ZNF560: variants seen among roughly 807,000 people sequenced by gnomAD.
The protein encoded by ZNF560 is zinc finger protein 560.
Under a neutral mutation model 81.8 loss-of-function variants are expected in ZNF560, and 54 were observed. The ratio of observed to expected loss-of-function variants is 0.66; its 90% CI spans 0.53 to 0.83. The LOEUF (loss-of-function observed/expected upper bound fraction) is 0.83, where lower values mean the gene tolerates loss of function less well. Among genes scored for constraint, ZNF560 ranks in the 40% least tolerant of loss-of-function variants. The pLI, the probability that ZNF560 is intolerant of heterozygous loss-of-function variation, is 0.00. For synonymous variants in ZNF560, 321 were observed against 317.9 expected (o/e 1.01, Z -0.10); for missense variants, 940 against 932.4 (o/e 1.01, Z -0.11).
chr19:9,452,740 C>G, the ZNF560 span, among the ~76,000 whole-genome samples: 1 of 152,150 alleles, frequency 6.6e-6, no homozygotes, highest in African/African-American at 2.4e-5. Flanking sequence ...CTGGAGACTA[C>G]TGGGCGGGTA....
At chr19:9,450,129 A>T in the ZNF560 span, among the ~76,000 whole-genome samples, 1 of 151,538 alleles carries the variant, frequency 6.6e-6, no homozygotes, top group Non-Finnish European at 1.5e-5. Context: ...TGTCTCTATT[A>T]AAAATACAAA....
At chr19:9,457,236 A>G in the ZNF560 span, among the ~76,000 whole-genome samples, 229 of 152,356 alleles carry the variant, frequency 1.5e-3, no homozygotes, top group African/African-American at 5.3e-3. Flanking sequence ...TAATTCAGCT[A>G]TATAACCTAT....
intron 2 of ZNF560, among the ~76,000 whole-genome samples, chr19:9,497,534 CAAAAAAAAAAA>C (rs58468618): frequency 1.5e-5 from 1 of 67,548 alleles, no homozygotes; most frequent in African/African-American, 4.5e-5. Context: ...GACCCCCTCT[CAAAAAAAAAAA>C]AAAAAAAAAA....
At chr19:9,447,587 G>A in the ZNF560 span, among the ~76,000 whole-genome samples, 2 of 151,990 alleles carry the variant, frequency 1.3e-5, no homozygotes, top group Non-Finnish European at 2.9e-5. Context: ...AAAATTGAAA[G>A]CTTCATCAAC....
upstream of ZNF560, among the ~76,000 whole-genome samples, chr19:9,501,708 A>C (rs535471256): frequency 3.3e-5 from 5 of 151,858 alleles, no homozygotes; most frequent in South Asian, 1.0e-3. Flanking sequence ...CATGTTACCC[A>C]GGCTGGCCTC....
intron 6 of ZNF560, among the ~76,000 whole-genome samples, chr19:9,470,875 C>T (rs758056241): frequency 2.0e-5 from 3 of 152,160 alleles, no homozygotes; most frequent in Non-Finnish European, 4.4e-5. Context: ...TACCCCTTAC[C>T]ATCTGTCCTA....
the ZNF560 span, among the ~76,000 whole-genome samples, chr19:9,456,159 C>T: frequency 4.6e-5 from 7 of 152,182 alleles, no homozygotes; most frequent in African/African-American, 9.7e-5. Flanking sequence ...GCTTGTCCCC[C>T]GCCACAGCTG....
intron 2 of ZNF560, among the ~76,000 whole-genome samples, chr19:9,489,734 C>T (rs1367987338): frequency 6.6e-6 from 1 of 152,126 alleles, no homozygotes; most frequent in East Asian, 1.9e-4. Flanking sequence ...GGACTACAGG[C>T]AGCTGCCACC....
chr19:9,467,421 G>A lies in ZNF560; in HGVS notation c.1526C>T (p.Thr509Ile). The A allele has an allele frequency of 6.2e-7, 1 of 1,614,084 alleles. No individual in the cohort carries two copies. Among genetic ancestry groups the A allele is most frequent in the African/African-American group, 1.3e-5 (1 of 75,016 alleles). The change falls in exon 10 of 10, where the codon ACT (threonine) becomes ATT (isoleucine). Residue 509 changes from threonine to isoleucine, a missense_variant. Thr to Ile is a moderately conservative substitution (Grantham distance 89). Coordinates refer to ENST00000301480, the MANE Select transcript of ZNF560 (RefSeq NM_152476.3). Reference sequence around the variant, plus strand: ...CTTAAAGGGCTTCTCACCAGTGTGAGTTCTCAAATGAGCAAAAAGAGATGA... The same window carrying A: ...CTTAAAGGGCTTCTCACCAGTGTGAATTCTCAAATGAGCAAAAAGAGATGA... Reference protein sequence around the residue: ...SFSSLFAHLRTHTGEKPFKCY... With the variant: ...SFSSLFAHLRIHTGEKPFKCY...
chr19:9,483,727 T>C (rs1475145405), intron 2 of ZNF560, among the ~76,000 whole-genome samples: 2 of 150,774 alleles, frequency 1.3e-5, no homozygotes, highest in African/African-American at 4.9e-5. Context: ...GGGGCGCCTC[T>C]GCCCGGCTGC....
intron 2 of ZNF560, among the ~76,000 whole-genome samples, chr19:9,494,283 A>G (rs181565535): frequency 5.3e-5 from 8 of 152,340 alleles, no homozygotes; most frequent in African/African-American, 1.2e-4. Flanking sequence ...AGATGGGCAC[A>G]TGTGGATGCT....
At chr19:9,469,600 G>A (rs1380596438) in intron 8 of ZNF560, 30 bp downstream of exon 8, 1 of 1,602,630 alleles carries the variant, frequency 6.2e-7, no homozygotes, top group Non-Finnish European at 8.5e-7. Context: ...AACTTCTCAT[G>A]GACCAGGGTT....
At chr19:9,456,957 C>A in the ZNF560 span, among the ~76,000 whole-genome samples, 3 of 152,074 alleles carry the variant, frequency 2.0e-5, no homozygotes, top group South Asian at 6.2e-4. Flanking sequence ...TCTCTTCAAG[C>A]GGAAAGACAA....
At chr19:9,483,384 C>A (rs1391869066) in intron 2 of ZNF560, among the ~76,000 whole-genome samples, 1 of 145,372 alleles carries the variant, frequency 6.9e-6, no homozygotes, top group Admixed American at 6.8e-5. Flanking sequence ...CCCCTCCGCC[C>A]AGCAGCCGCC....
the ZNF560 span, among the ~76,000 whole-genome samples, chr19:9,458,132 A>G: frequency 1.3e-5 from 2 of 152,222 alleles, no homozygotes; most frequent in Admixed American, 6.5e-5. Context: ...GTTAAATTAC[A>G]CGGATATGAT....
chr19:9,475,523 G>A lies in ZNF560; in HGVS notation c.-56-154C>T, dbSNP rs192960762. 7.9e-5 allele frequency among the ~76,000 whole-genome samples: 12 copies of A among 151,922 alleles called. No homozygotes were observed. In the East Asian group the frequency reaches 1.7e-3, roughly 22 times the overall value. On this transcript the variant is annotated intron_variant, in intron 2 of 9. Transcript: ENST00000301480. ...ATCCATAAAATGCCACTGCACTTCT[G>A]TCTAACCTAGAGCAAGAAAAAGGAA... is the stretch of plus-strand genomic sequence containing the variant.
At chr19:9,471,492 AAAG>A (rs1221970793) in intron 5 of ZNF560, 114 bp from the exon 6 acceptor site, 1 of 743,804 alleles carries the variant, frequency 1.3e-6, no homozygotes. Context: ...ACATAAGAAA[AAAG>A]AAAGCTAAAT....
chr19:9,450,148 GGAC>G, the ZNF560 span, among the ~76,000 whole-genome samples: 2 of 150,216 alleles, frequency 1.3e-5, no homozygotes, highest in African/African-American at 4.9e-5. Context: ...AAAATTAGCT[GGAC>G]GCAGTGGCAG....
chr19:9,477,280 T>C (rs923397202), intron 2 of ZNF560, among the ~76,000 whole-genome samples: 2 of 152,092 alleles, frequency 1.3e-5, no homozygotes, highest in Non-Finnish European at 2.9e-5. Flanking sequence ...AAAATCTAAA[T>C]TCAGAAAACA....
Sources: gnomAD v4.1 joint callset for allele counts (sites outside exome capture counted in the v4.1 genomes callset) on GRCh38, gnomAD v4.1.1 for gene constraint, MANE v1.5 for transcripts, NCBI Gene and HGNC (gene_info 2026-07-23, HGNC 2026-07-21) for gene names.